Variants in RNF213 observed in about 807,000 individuals in gnomAD.
RNF213 encodes ring finger protein 213.
Under a neutral mutation model 514.4 loss-of-function variants are expected in RNF213, and 341 were observed. The observed-to-expected ratio is 0.66, with a 90% CI of 0.61 to 0.73. The LOEUF (loss-of-function observed/expected upper bound fraction) is 0.73, where lower values mean the gene tolerates loss of function less well. RNF213 is among the 30% of genes least tolerant of loss of function. The pLI is 0.00. For synonymous variants in RNF213, 2,655 were observed against 2,658.2 expected (o/e 1.00, Z 0.04); for missense variants, 5,767 against 6,615.6 (o/e 0.87, Z 4.45).
At chr17:80,294,332 C>G (rs189456330) in intron 8 of RNF213, among the ~76,000 whole-genome samples, 2 of 152,316 alleles carry the variant, frequency 1.3e-5, no homozygotes, top group Non-Finnish European at 2.9e-5. Flanking sequence ...ACAGTGCTCA[C>G]TTGCTAGTGG....
rs1347895213 is a variant in RNF213, at chr17:80,307,370, T to G, written c.2501+169T>G. 4.0e-5 allele frequency among the ~76,000 whole-genome samples: 6 copies of G among 150,192 alleles called. No individual in the cohort carries two copies. In the East Asian group the frequency reaches 1.2e-3, roughly 29 times the overall value. Reference sequence around the variant, plus strand: ...TATTAATATTGTCGTCTGTTTTTTTTTTTTTTTTTTTGAGTCAGAGTCTTA... The same window carrying G: ...TATTAATATTGTCGTCTGTTTTTTTGTTTTTTTTTTTGAGTCAGAGTCTTA... On this transcript the variant is annotated intron_variant, in intron 13 of 67. Coordinates refer to ENST00000582970, the MANE Select transcript of RNF213 (RefSeq NM_001256071.3).
rs1250619591 is a variant in RNF213, at chr17:80,287,750, AG to A, written c.262-62del. The A allele has an allele frequency of 5.2e-6, 8 of 1,548,626 alleles. No individual in the cohort carries two copies. In the East Asian group the frequency reaches 1.6e-4, roughly 30 times the overall value. ...GTTGAGGAACGGAAGAGAAAGTTGG[AG>A]GGAAACACGGGCTAGAGTAGAGTAA... On this transcript the variant is annotated intron_variant, in intron 3 of 67. Transcript: ENST00000582970.
chr17:80,289,555 A>C, intron 5 of RNF213, 104 bp from the exon 6 acceptor site: 2 of 1,260,314 alleles, frequency 1.6e-6, no homozygotes, highest in Non-Finnish European at 2.3e-6. Context: ...GCAGTACTGC[A>C]CTCCAGCCTT....
intron 38 of RNF213, 92 bp from the exon 39 acceptor site, chr17:80,361,642 C>T: frequency 7.0e-7 from 1 of 1,434,464 alleles, no homozygotes; most frequent in Non-Finnish European, 9.8e-7. Context: ...AACAAGGCGT[C>T]CCCATTCCCC....
rs79078690 is a variant in RNF213 at position 80,263,293 on chromosome 17, G to A, written c.-108-281G>A. Among the ~76,000 whole-genome samples the A allele has an allele frequency of 0.019, 2,896 of 152,286 alleles. 59 individuals carry two copies. The highest frequency in any genetic ancestry group is 0.11 in the East Asian group (576 of 5,172). ...GATGAGGAGGGTGAGGCATCAGCAG[G>A]CTGAGCGCCTTGCTCAGGGCAGGCC... On this transcript the variant is annotated intron_variant, in intron 1 of 67. Transcript: ENST00000582970. This position sits in a 1 kb window ranked among gnomAD's most constrained non-coding sequence, Gnocchi z 4.9.
chr17:80,273,349 G>C lies in RNF213; in HGVS notation c.206G>C (p.Ser69Thr). Residue 69 changes from serine to threonine, a missense_variant, in exon 3 of 68, where the codon AGT becomes ACT. Physicochemically the swap from Ser to Thr is moderately conservative, Grantham distance 58 (BLOSUM62 1). Coordinates refer to ENST00000582970, the MANE Select transcript of RNF213 (RefSeq NM_001256071.3). ...GGPCLFPGSD[S>T]WQENPEEPCS... ...CCGTGCTTGTTCCCGGGCTCAGACA[G>C]TTGGCAAGAAAACCCCGAGGAGCCC... 1 of 1,613,476 alleles carries C rather than the reference G, an allele frequency of 6.2e-7. No individual in the cohort carries two copies. Among genetic ancestry groups the C allele is most frequent in the Middle Eastern group, 1.7e-4 (1 of 6,056 alleles).
chr17:80,336,096 C>T (rs2077980266), intron 22 of RNF213, 65 bp from the exon 23 acceptor site: 1 of 1,339,934 alleles, frequency 7.5e-7, no homozygotes, highest in Non-Finnish European at 1.0e-6. Context: ...GGATTACTGC[C>T]CAAGACCGAG....
chr17:80,332,374 G>A lies in RNF213; in HGVS notation c.3886G>A (p.Gly1296Arg). Residue 1296 changes from glycine (G) to arginine (R), a missense_variant, in exon 21 of 68, where the codon GGA (glycine) becomes AGA (arginine). By Grantham distance (125) the Gly-to-Arg change is moderately radical. This residue lies in a region of RNF213 where 516 missense variants were observed against 566.5 expected (regional missense o/e 0.91). Coordinates refer to ENST00000582970, the MANE Select transcript of RNF213 (RefSeq NM_001256071.3). ...FIKLHQDLKS[G>R]EVTLAEIDVI... ...TAAGTTGCACCAGGATCTAAAGTCA[G>A]GAGAGGTCACCCTTGCAGAGATTGA... The A allele has an allele frequency of 2.6e-6, 4 of 1,537,148 alleles. No individual in the cohort carries two copies. The highest frequency in any genetic ancestry group is 3.5e-6 in the Non-Finnish European group (4 of 1,146,916).
At chr17:80,270,800 G>T (rs1036550234) in intron 2 of RNF213, among the ~76,000 whole-genome samples, 1 of 152,176 alleles carries the variant, frequency 6.6e-6, no homozygotes, top group African/African-American at 2.4e-5. Flanking sequence ...GGTCACCGTT[G>T]CCCAAGTCCA....
chr17:80,342,536 T>TTC (rs147286130), intron 26 of RNF213, among the ~76,000 whole-genome samples: 58,956 of 146,860 alleles, frequency 0.4, 12,315 homozygotes, highest in Non-Finnish European at 0.46. Context: ...GACTTAATTT[T>TTC]TCTCTCTCTC....
chr17:80,290,671 GAGA>G lies in RNF213; in HGVS notation c.1219_1221del (p.Glu407del). Reference sequence around the variant, plus strand: ...CTCCATAAAGTCTTCATCAGAGGAGGAGAAGAATTTGGGGAGTCAAAATGGGAC... The same window carrying G: ...CTCCATAAAGTCTTCATCAGAGGAGGAGAATTTGGGGAGTCAAAATGGGAC... On this transcript the variant is annotated inframe_deletion, in exon 7 of 68. Coordinates refer to ENST00000582970, the MANE Select transcript of RNF213 (RefSeq NM_001256071.3). 1 of 1,613,762 alleles carries G rather than the reference GAGA, an allele frequency of 6.2e-7. No homozygotes were observed. The highest frequency in any genetic ancestry group is 8.5e-7 in the Non-Finnish European group (1 of 1,179,620).
At position 80,345,862 on chromosome 17, in the gene RNF213, C is replaced by T. The variant is rs2078292601; in HGVS notation, c.7527C>T (p.Gly2509=). 7.4e-6 allele frequency: 12 copies of T among 1,614,020 alleles called. No individual in the cohort carries two copies. Among genetic ancestry groups the T allele is most frequent in the Non-Finnish European group, 1.0e-5 (12 of 1,180,056 alleles). Residue 2509 remains glycine, a synonymous_variant, in exon 29 of 68, where the codon GGC becomes GGT. Coordinates refer to ENST00000582970, the MANE Select transcript of RNF213 (RefSeq NM_001256071.3). This position sits in a 1 kb window ranked among gnomAD's most constrained non-coding sequence, Gnocchi z 6.0. ...KEVLCDHMVD[G]QPLAEDSGLH... ...TCCTGTGTGATCATATGGTGGATGG[C>T]CAGCCTCTGGCTGAGGACTCTGGCC...
intron 18 of RNF213, among the ~76,000 whole-genome samples, chr17:80,326,693 C>T (rs781386410): frequency 2.0e-5 from 3 of 152,132 alleles, no homozygotes; most frequent in Admixed American, 6.6e-5. Flanking sequence ...CTTAGTAATA[C>T]GTATTTATGT....
At chr17:80,262,519 T>A (rs536835119) in intron 1 of RNF213, among the ~76,000 whole-genome samples, 3 of 152,266 alleles carry the variant, frequency 2.0e-5, no homozygotes, top group African/African-American at 7.2e-5. Context: ...ACTCCTCTTG[T>A]GTGTCCCTGG....
intron 50 of RNF213, 62 bp downstream of exon 50, chr17:80,374,651 C>T: frequency 6.3e-7 from 1 of 1,588,778 alleles, no homozygotes; most frequent in Non-Finnish European, 8.6e-7. Context: ...CTGCATGTTC[C>T]CTGGTTTATG....
intron 2 of RNF213, among the ~76,000 whole-genome samples, chr17:80,268,604 T>C (rs1047338846): frequency 6.7e-5 from 10 of 149,396 alleles, no homozygotes; most frequent in Admixed American, 4.6e-4. Flanking sequence ...CTCATCCATC[T>C]GTTTGTCCAT....
chr17:80,368,042 G>T lies in RNF213; in HGVS notation c.12054G>T (p.Leu4018=). The change falls in exon 44 of 68, where the codon CTG becomes CTT. Residue 4018 remains leucine (L), a synonymous_variant. Coordinates refer to ENST00000582970, the MANE Select transcript of RNF213 (RefSeq NM_001256071.3). ...TGCCCTGCGACCACGTGCACTGCCT[G>T]CGCTGCCTCAGGGCCTGGTTTGCCT... The part of the protein sequence containing the change: ...VCLPCDHVHC[L]RCLRAWFASE... The T allele has an allele frequency of 6.2e-7, 1 of 1,614,272 alleles. No individual in the cohort carries two copies. The highest frequency in any genetic ancestry group is 1.1e-5 in the South Asian group (1 of 91,088).
At chr17:80,381,482 C>T in intron 56 of RNF213, 65 bp from the exon 57 acceptor site, 3 of 1,559,968 alleles carry the variant, frequency 1.9e-6, no homozygotes, top group Non-Finnish European at 1.8e-6. Context: ...ATGGCCTCTA[C>T]CAGGCTCACC....
intron 15 of RNF213, chr17:80,316,733 C>T (rs1288822307): frequency 3.8e-6 from 1 of 266,242 alleles, no homozygotes; most frequent in Non-Finnish European, 7.4e-6. Flanking sequence ...TACTTTCCAA[C>T]GGTTTGGGAG....
Sources: gnomAD v4.1 joint callset for allele counts (sites outside exome capture counted in the v4.1 genomes callset) on GRCh38, gnomAD v4.1.1 for gene constraint, gnomAD v4.1.1 regional missense constraint, Gnocchi (gnomAD v3.1) non-coding constraint, MANE v1.5 for transcripts, NCBI Gene and HGNC (gene_info 2026-07-23, HGNC 2026-07-21) for gene names.